STXBP5: variants seen among roughly 807,000 people sequenced by gnomAD.
STXBP5 encodes syntaxin binding protein 5, also known as syntaxin-binding protein 5.
Under a neutral mutation model 152.4 loss-of-function variants are expected in STXBP5, and 50 were observed. The observed-to-expected ratio is 0.33, with a 90% CI of 0.26 to 0.42. The LOEUF is 0.42. Ranked by LOEUF, STXBP5 falls within the 10% of genes least tolerant of loss-of-function variation. The probability of loss-of-function intolerance (pLI) is 1.00; values close to 1 mark genes in which losing one functional copy is unlikely to be tolerated. For missense variants in STXBP5, 1,167 were observed against 1,388.6 expected, an observed-to-expected ratio of 0.84 and a Z score of 2.54; for synonymous variants, 492 against 494.7, an observed-to-expected ratio of 0.99 and a Z score of 0.07.
At chr6:147,307,116 A>C (rs1054537249) in intron 9 of STXBP5, among the ~76,000 whole-genome samples, 1 of 152,180 alleles carries the variant, frequency 6.6e-6, no homozygotes, top group Non-Finnish European at 1.5e-5. Flanking sequence ...AGCTGAACCT[A>C]TTGTTAAGGC....
At position 147,359,215 on chromosome 6, in the gene STXBP5, C is replaced by T. The variant is rs978689003; in HGVS notation, c.2437C>T (p.Pro813Ser). 1.9e-6 allele frequency: 3 copies of T among 1,614,042 alleles called. No individual in the cohort carries two copies. Among genetic ancestry groups the T allele is most frequent in the Non-Finnish European group, 2.5e-6 (3 of 1,179,946 alleles). ...FTRKTDSSPS[P>S]CLWVGTTLGT... ...TCGAAAGACGGACTCGTCCCCTTCCCCTTGTCTATGGGTTGGAACAACGCT... is the reference window on the plus strand; with the variant it reads ...TCGAAAGACGGACTCGTCCCCTTCCTCTTGTCTATGGGTTGGAACAACGCT... Residue 813 changes from proline (P) to serine (S), a missense_variant, in exon 23 of 28, where the codon CCT becomes TCT. Physicochemically the swap from Pro to Ser is moderately conservative, Grantham distance 74 (BLOSUM62 -1). Coordinates refer to ENST00000321680, the MANE Select transcript of STXBP5 (RefSeq NM_001127715.4).
chr6:147,350,499 A>C (rs1349351348), intron 21 of STXBP5, among the ~76,000 whole-genome samples: 1 of 152,090 alleles, frequency 6.6e-6, no homozygotes, highest in Non-Finnish European at 1.5e-5. Flanking sequence ...TGAATTTGTT[A>C]CTTTTATCTT....
In STXBP5 at chr6:147,262,300, T is replaced by G; in HGVS notation, c.577T>G (p.Ser193Ala). The change falls in exon 6 of 28, where the codon TCT becomes GCT. Residue 193 changes from serine (S) to alanine (A), a missense_variant. Ser to Ala is a moderately conservative substitution (Grantham distance 99, BLOSUM62 1). Around this residue, in one of 3 missense-constraint regions of STXBP5, gnomAD observed 310 missense variants for 346.1 expected, o/e 0.90. Coordinates refer to ENST00000321680, the MANE Select transcript of STXBP5 (RefSeq NM_001127715.4). The part of the protein sequence containing the change: ...WNKAIELSSK[S>A]HPGPVVHISD... ...CTTTTTCTTTTTTAGGTCATCTAAA[T>G]CTCACCCAGGACCTGTGGTCCATAT... 6.5e-7 allele frequency: 1 copy of G among 1,550,108 alleles called. No individual in the cohort carries two copies.
chr6:147,210,372 A>G (rs1776785342), intron 2 of STXBP5, among the ~76,000 whole-genome samples: 1 of 151,916 alleles, frequency 6.6e-6, no homozygotes, highest in Non-Finnish European at 1.5e-5. Context: ...TGAGAATTTG[A>G]TATACTTTCA....
intron 4 of STXBP5, among the ~76,000 whole-genome samples, chr6:147,259,429 A>G (rs1289326494): frequency 6.6e-6 from 1 of 152,196 alleles, no homozygotes; most frequent in African/African-American, 2.4e-5. Context: ...TTCTTTAGAA[A>G]GAGACCATTA....
rs897360131 is a variant in STXBP5, at chr6:147,305,237, A to G, written c.918-4847A>G. On this transcript the variant is annotated intron_variant, in intron 9 of 27. Coordinates refer to ENST00000321680, the MANE Select transcript of STXBP5 (RefSeq NM_001127715.4). ...CACAGTTTGTGTTTGTTTGTTTTAC[A>G]AAAGCATAGCTTTTCAACAAATTTA... Among the ~76,000 whole-genome samples, 5 of 152,354 alleles carry G rather than the reference A, an allele frequency of 3.3e-5. 1 individual carries two copies. The South Asian group carries it at 1.0e-3, about 32-fold the overall frequency.
chr6:147,312,196 T>C (rs1782415681), intron 11 of STXBP5, among the ~76,000 whole-genome samples: 1 of 152,186 alleles, frequency 6.6e-6, no homozygotes, highest in Non-Finnish European at 1.5e-5. Flanking sequence ...AACCTTCTTA[T>C]CTTTTTCGGG....
At position 147,204,430 on chromosome 6, in the gene STXBP5, T is replaced by G. The variant is rs1776426109; in HGVS notation, c.-103T>G. On this transcript the variant is annotated 5_prime_UTR_variant, in exon 1 of 28. Transcript: ENST00000321680. The surrounding 1 kb of genome is among the most constrained non-coding windows in gnomAD (Gnocchi z 4.3). ...CTCCTTACCCTCACACTCCCACTCC[T>G]CCGTTTCCGCGGTCGAAGCTGCCTT... 8.8e-7 allele frequency: 1 copy of G among 1,140,682 alleles called. No individual in the cohort carries two copies. The highest frequency in any genetic ancestry group is 1.6e-5 in the African/African-American group (1 of 63,956). The allele number at this position is 1,140,682 out of a possible 1,614,324, so 70.7% of individuals were successfully genotyped here.
chr6:147,384,653 C>T, intron 27 of STXBP5, 61 bp from the exon 28 acceptor site: 4 of 1,519,956 alleles, frequency 2.6e-6, no homozygotes, highest in Non-Finnish European at 2.7e-6. Context: ...ATAGAAATCA[C>T]TTATAAATGT....
intron 25 of STXBP5, among the ~76,000 whole-genome samples, chr6:147,372,765 T>C (rs985036107): frequency 1.2e-4 from 18 of 152,192 alleles, no homozygotes; most frequent in African/African-American, 4.3e-4. Context: ...AACTCTTCTT[T>C]CCTCTTTTTG....
intron 2 of STXBP5, among the ~76,000 whole-genome samples, chr6:147,213,426 T>C (rs1776964101): frequency 1.3e-5 from 1 of 77,090 alleles, no homozygotes; most frequent in South Asian, 4.9e-4. Context: ...GCTCACATAA[T>C]TTTATATATG....
Position 147,315,689 on chromosome 6 carries a change from T to C in STXBP5, c.1577T>C (p.Ile526Thr). 1.2e-6 allele frequency: 2 copies of C among 1,613,820 alleles called. No individual in the cohort carries two copies. The highest frequency in any genetic ancestry group is 8.5e-7 in the Non-Finnish European group (1 of 1,179,808). The change falls in exon 15 of 28, where the codon ATT becomes ACT. Residue 526 changes from isoleucine (I) to threonine (T), a missense_variant. Transcript: ENST00000321680. ...ATCGCTGGAGTTTCAGCTCATGTCA[T>C]TATTTATAGATTCAGCAAGCAGGAA... Reference protein sequence around the residue: ...LCIAGVSAHVIIYRFSKQEVI... With the variant: ...LCIAGVSAHVTIYRFSKQEVI...
intron 22 of STXBP5, among the ~76,000 whole-genome samples, chr6:147,355,136 G>C (rs1784758820): frequency 6.6e-6 from 1 of 152,152 alleles, no homozygotes; most frequent in Admixed American, 6.6e-5. Context: ...CCAGAAGTCA[G>C]AATCCATGGG....
intron 8 of STXBP5, among the ~76,000 whole-genome samples, chr6:147,285,559 G>T (rs1780919674): frequency 6.7e-6 from 1 of 149,974 alleles, no homozygotes; most frequent in Admixed American, 6.7e-5. Context: ...CATTTACAGA[G>T]AAAATGAAAC....
chr6:147,206,840 C>T (rs948065971), intron 2 of STXBP5, among the ~76,000 whole-genome samples: 18 of 151,784 alleles, frequency 1.2e-4, no homozygotes, highest in African/African-American at 4.4e-4. Flanking sequence ...ACAGTACAGA[C>T]GACTCACTTT....
chr6:147,291,303 T>A, intron 9 of STXBP5, 131 bp downstream of exon 9: 1 of 592,002 alleles, frequency 1.7e-6, no homozygotes, highest in Non-Finnish European at 2.6e-6. Context: ...ATGCTTTTTT[T>A]ATTTAACAAA....
rs1562255674 is a variant in STXBP5, at chr6:147,339,160, GT to G, written c.2147-17del. Reference sequence around the variant, plus strand: ...GACTGACCATCTACCTATTCCTTCCGTTGTCTTCATTTGTGTAGGTTCTTCA... The same window carrying G: ...GACTGACCATCTACCTATTCCTTCCGTGTCTTCATTTGTGTAGGTTCTTCA... On this transcript the variant is annotated intron_variant, in intron 19 of 27. Transcript: ENST00000321680. 1 of 1,528,256 alleles carries G rather than the reference GT, an allele frequency of 6.5e-7. No homozygotes were observed. Among genetic ancestry groups the G allele is most frequent in the Non-Finnish European group, 8.8e-7 (1 of 1,138,970 alleles). 94.7% of individuals were successfully genotyped at this position (1,528,256 alleles called of 1,614,324 possible).
At chr6:147,280,067 C>T (rs1582883618) in intron 8 of STXBP5, among the ~76,000 whole-genome samples, 1 of 146,212 alleles carries the variant, frequency 6.8e-6, no homozygotes, top group East Asian at 2.0e-4. Context: ...ATTCCATGGT[C>T]TTTTTTTTTT....
chr6:147,318,702 A>G (rs891382599), intron 16 of STXBP5, among the ~76,000 whole-genome samples: 1 of 152,172 alleles, frequency 6.6e-6, no homozygotes, highest in African/African-American at 2.4e-5. Context: ...TTAATGATAC[A>G]TGTGAGGAGA....
Sources: allele counts gnomAD v4.1 joint callset (sites outside exome capture counted in the v4.1 genomes callset), GRCh38; gene constraint gnomAD v4.1.1; regional missense constraint gnomAD v4.1.1; non-coding constraint Gnocchi (gnomAD v3.1); transcripts MANE v1.5; gene names NCBI Gene and HGNC (gene_info 2026-07-23, HGNC 2026-07-21).